The following PYY variants were observed in gnomAD, a reference collection of about 807,000 sequenced individuals.
PYY encodes peptide YY, also known as peptide tyrosine tyrosine.
PYY carries 12 observed loss-of-function variants against 10.3 expected under a neutral mutation model. The ratio of observed to expected loss-of-function variants is 1.17; its 90% CI spans 0.75 to 1.89. The LOEUF (loss-of-function observed/expected upper bound fraction) is 1.89, where lower values mean the gene tolerates loss of function less well. Ranked by LOEUF, PYY falls within the 40% of genes most tolerant of loss-of-function variation. The probability of loss-of-function intolerance (pLI) is 0.00; values close to 1 mark genes in which losing one functional copy is unlikely to be tolerated. For synonymous variants in PYY, 66 were observed against 62.0 expected (o/e 1.06, Z -0.30); for missense variants, 141 against 134.0 (o/e 1.05, Z -0.26).
intron 2 of PYY, among the ~76,000 whole-genome samples, chr17:43,965,430 G>A (rs566166810): frequency 5.3e-5 from 8 of 149,808 alleles, no homozygotes; most frequent in Non-Finnish European, 1.0e-4. Flanking sequence ...GCAGTGAGCC[G>A]AGATCATGCC....
At chr17:43,968,437 C>A (rs1597847990) in intron 1 of PYY, among the ~76,000 whole-genome samples, 1 of 152,058 alleles carries the variant, frequency 6.6e-6, no homozygotes, top group East Asian at 1.9e-4. Context: ...TACCCTGAGA[C>A]CAAAATGAAA....
intron 1 of PYY, among the ~76,000 whole-genome samples, chr17:43,982,743 T>G (rs559439026): frequency 6.6e-6 from 1 of 152,348 alleles, no homozygotes; most frequent in East Asian, 1.9e-4. Flanking sequence ...GATTCTGTGC[T>G]CAACTGGCTG....
chr17:43,965,569 C>G (rs2048748973), intron 2 of PYY, among the ~76,000 whole-genome samples: 1 of 151,226 alleles, frequency 6.6e-6, no homozygotes, highest in South Asian at 2.1e-4. Flanking sequence ...GCAGGCGGAT[C>G]ACTTGAGGTC....
At chr17:43,997,465 C>T (rs1295155581) in intron 1 of PYY, among the ~76,000 whole-genome samples, 1 of 152,120 alleles carries the variant, frequency 6.6e-6, no homozygotes, top group African/African-American at 2.4e-5. Context: ...GTAATTGTAC[C>T]TGACATGCTT....
chr17:43,958,936 G>T (rs761130424), upstream of PYY, among the ~76,000 whole-genome samples: 9 of 152,214 alleles, frequency 5.9e-5, no homozygotes, highest in Non-Finnish European at 1.3e-4. Context: ...TGCTTTGGAA[G>T]TAATACACAA....
intron 1 of PYY, among the ~76,000 whole-genome samples, chr17:44,000,567 C>CTTTT (rs398041714): frequency 3.9e-5 from 5 of 128,016 alleles, no homozygotes; most frequent in Admixed American, 8.3e-5. Flanking sequence ...TAAGTGTGCA[C>CTTTT]TTTTTTTTTT....
intron 1 of PYY, among the ~76,000 whole-genome samples, chr17:43,990,695 T>G (rs1185238041): frequency 6.6e-6 from 1 of 152,022 alleles, no homozygotes; most frequent in Non-Finnish European, 1.5e-5. Flanking sequence ...AACAGCATAT[T>G]TGATATAAAA....
intron 1 of PYY, among the ~76,000 whole-genome samples, chr17:43,996,613 C>T (rs2048993801): frequency 6.6e-6 from 1 of 151,974 alleles, no homozygotes; most frequent in African/African-American, 2.4e-5. Context: ...CACATATGTC[C>T]ACCACCAGAC....
chr17:44,000,549 A>C (rs1433207391), intron 1 of PYY, among the ~76,000 whole-genome samples: 2 of 146,032 alleles, frequency 1.4e-5, no homozygotes, highest in South Asian at 4.4e-4. Context: ...AGAATGCCTG[A>C]GAATGCCTAA....
At chr17:43,994,498 AGATGGAAG>A (rs763616009) in intron 1 of PYY, among the ~76,000 whole-genome samples, 7 of 152,180 alleles carry the variant, frequency 4.6e-5, no homozygotes, top group African/African-American at 1.7e-4. Flanking sequence ...CCTACTGAGA[AGATGGAAG>A]GATCCCCAGA....
intron 1 of PYY, among the ~76,000 whole-genome samples, chr17:43,970,690 G>A (rs568029963): frequency 6.6e-6 from 1 of 152,272 alleles, no homozygotes; most frequent in East Asian, 1.9e-4. Flanking sequence ...GGACACAGAA[G>A]GACTGTATCA....
intron 1 of PYY, among the ~76,000 whole-genome samples, chr17:43,967,367 C>T (rs2048761815): frequency 6.6e-6 from 1 of 152,120 alleles, no homozygotes; most frequent in Non-Finnish European, 1.5e-5. Context: ...ACACACTGTG[C>T]AGGTTAGAGG....
chr17:43,997,049 T>C (rs778389362), intron 1 of PYY, among the ~76,000 whole-genome samples: 1 of 151,606 alleles, frequency 6.6e-6, no homozygotes, highest in Non-Finnish European at 1.5e-5. Context: ...TTGTTTTTTG[T>C]TTTGTTTTGA....
At chr17:43,977,559 C>T (rs1484883726) in intron 1 of PYY, among the ~76,000 whole-genome samples, 1 of 152,104 alleles carries the variant, frequency 6.6e-6, no homozygotes, top group Admixed American at 6.6e-5. Flanking sequence ...TTGGCAGGTG[C>T]ACCCCCGACT....
chr17:43,978,480 ACT>A (rs1178874223), intron 1 of PYY, among the ~76,000 whole-genome samples: 1 of 151,956 alleles, frequency 6.6e-6, no homozygotes, highest in African/African-American at 2.4e-5. Context: ...ATGTAGCGAG[ACT>A]CTGTTCTCTA....
At chr17:43,988,411 C>G (rs2048928951) in intron 1 of PYY, among the ~76,000 whole-genome samples, 1 of 152,178 alleles carries the variant, frequency 6.6e-6, no homozygotes, top group Non-Finnish European at 1.5e-5. Flanking sequence ...AAAAGCGTAA[C>G]TGAAATCACA....
rs975123791 is a variant in PYY, at chr17:43,953,565, G to T, written c.1-82C>A. ...AGGCTGCGGCTGCCGTCGGGGCCGC[G>T]CTCCGACGCTCTCCCTGGGGCTGGT... On this transcript the variant is annotated intron_variant, in intron 1 of 3. Transcript: ENST00000692052. The T allele has an allele frequency of 5.2e-4, 673 of 1,295,208 alleles. 5 individuals are homozygous for T. The highest frequency in any genetic ancestry group is 2.6e-4 in the Non-Finnish European group (248 of 957,088). The allele number at this position is 1,295,208 out of a possible 1,614,324, so 80.2% of individuals were successfully genotyped here. A position where few individuals can be genotyped will look rare whatever the true frequency, so the allele number is the denominator to read the frequency against.
chr17:43,963,179 A>G (rs2048724015), intron 2 of PYY, among the ~76,000 whole-genome samples: 1 of 152,220 alleles, frequency 6.6e-6, no homozygotes, highest in Non-Finnish European at 1.5e-5. Context: ...ATGTAAAAGT[A>G]TTAAGCTCAA....
At chr17:43,953,047 T>G in intron 3 of PYY, 62 bp downstream of exon 3, 1 of 1,592,696 alleles carries the variant, frequency 6.3e-7, no homozygotes, top group Non-Finnish European at 8.6e-7. Context: ...TTAAGTGATG[T>G]TGCCAGGGTA....
Sources: gnomAD v4.1 joint callset for allele counts (sites outside exome capture counted in the v4.1 genomes callset) on GRCh38, gnomAD v4.1.1 for gene constraint, MANE v1.5 for transcripts, NCBI Gene and HGNC (gene_info 2026-07-23, HGNC 2026-07-21) for gene names.